Variants in STS observed in about 807,000 individuals in gnomAD.
STS encodes steryl-sulfatase.
A neutral mutation model predicts 26.8 loss-of-function variants in STS; 7 were observed. The ratio of observed to expected loss-of-function variants is 0.26; its 90% CI spans 0.15 to 0.49. STS has a LOEUF of 0.49. Ranked by LOEUF, STS falls within the 20% of genes least tolerant of loss-of-function variation. The pLI is 0.98. For synonymous variants in STS, 199 were observed against 189.4 expected (o/e 1.05, Z -0.42); for missense variants, 434 against 465.6 (o/e 0.93, Z 0.63).
At chrX:7,158,157 C>T (rs1933172567) in intron 1 of STS, among the ~76,000 whole-genome samples, 1 of 111,617 alleles carries the variant, frequency 9.0e-6, no homozygotes, top group African/African-American at 3.3e-5. Flanking sequence ...AGCGACACTC[C>T]TCAGAGAGGT....
chrX:7,323,809 C>T (rs780777150), intron 8 of STS, among the ~76,000 whole-genome samples: 6 of 111,536 alleles, frequency 5.4e-5, no homozygotes, highest in African/African-American at 2.0e-4. Context: ...AATCTTATTC[C>T]TTGCCTTATC....
At chrX:7,349,822 T>G (rs1928707509) in intron 10 of STS, 66 bp from the exon 11 acceptor site, 8 of 1,197,391 alleles carry the variant, frequency 6.7e-6, no homozygotes, top group Non-Finnish European at 9.0e-6. Context: ...CCGCATCACT[T>G]TTTCATTTGT....
chrX:7,211,308 G>T (rs1921021214), intron 2 of STS, among the ~76,000 whole-genome samples: 2 of 111,503 alleles, frequency 1.8e-5, no homozygotes, highest in Non-Finnish European at 3.8e-5. Flanking sequence ...ATGAAATCAG[G>T]GTGCCAGCTA....
chrX:7,236,484 G>A (rs1868261291), intron 2 of STS, among the ~76,000 whole-genome samples: 1 of 112,115 alleles, frequency 8.9e-6, no homozygotes, highest in African/African-American at 3.2e-5. Flanking sequence ...ACAAGCAAAG[G>A]TCGTTCTGTT....
chrX:7,306,882 G>A (rs1337209698), intron 8 of STS, among the ~76,000 whole-genome samples: 1 of 112,043 alleles, frequency 8.9e-6, no homozygotes, highest in Non-Finnish European at 1.9e-5. Flanking sequence ...AGCTCAGTAA[G>A]GCCAGATTAC....
intron 2 of STS, among the ~76,000 whole-genome samples, chrX:7,202,542 C>T (rs1223948119): frequency 1.8e-5 from 2 of 111,638 alleles, no homozygotes; most frequent in Admixed American, 1.9e-4. Flanking sequence ...GGTTACATCA[C>T]GTTAGGTGGA....
At chrX:7,252,418 C>T (rs1419047567) in intron 2 of STS, 12 of 337,871 alleles carry the variant, frequency 3.6e-5, no homozygotes, top group Non-Finnish European at 4.2e-5. Flanking sequence ...CTCTCTCTGG[C>T]TGGGAAACCT....
At chrX:7,274,651 C>G (rs1484139254) in intron 6 of STS, among the ~76,000 whole-genome samples, 1 of 111,915 alleles carries the variant, frequency 8.9e-6, no homozygotes, top group Non-Finnish European at 1.9e-5. Flanking sequence ...GCAAAGGCCA[C>G]GCATTGACAG....
intron 2 of STS, among the ~76,000 whole-genome samples, chrX:7,195,761 G>A (rs7883139): frequency 0.024 from 2,712 of 112,097 alleles, 51 homozygotes; most frequent in African/African-American, 0.053. Context: ...GGTGGGAATT[G>A]TCAGAGATTT....
intron 8 of STS, among the ~76,000 whole-genome samples, chrX:7,312,250 T>G (rs1184203601): frequency 8.9e-6 from 1 of 111,832 alleles, no homozygotes; most frequent in East Asian, 2.8e-4. Context: ...TTCACTCATA[T>G]GTTGCCTTTG....
intron 2 of STS, among the ~76,000 whole-genome samples, chrX:7,192,089 G>A (rs1214042614): frequency 8.9e-6 from 1 of 112,119 alleles, no homozygotes; most frequent in African/African-American, 3.2e-5. Flanking sequence ...CCCCATAGCA[G>A]CTGGCTCAAA....
intron 7 of STS, among the ~76,000 whole-genome samples, chrX:7,301,016 C>T (rs1024144170): frequency 4.5e-5 from 5 of 111,261 alleles, no homozygotes; most frequent in African/African-American, 1.6e-4. Flanking sequence ...CCCTGAAAAA[C>T]TCTGTGACAC....
At chrX:7,327,790 A>C (rs1927551817) in intron 9 of STS, among the ~76,000 whole-genome samples, 1 of 111,879 alleles carries the variant, frequency 8.9e-6, no homozygotes, top group Non-Finnish European at 1.9e-5. Context: ...TTACAGGATC[A>C]ATAGGAGGAT....
At chrX:7,203,789 T>TAGAG (rs1299512114) in intron 2 of STS, among the ~76,000 whole-genome samples, 2 of 109,315 alleles carry the variant, frequency 1.8e-5, no homozygotes, top group East Asian at 2.8e-4. Context: ...TATATATATA[T>TAGAG]ATAGAGAGAG....
At position 7,350,133 on chromosome X, in the gene STS, C is replaced by G; in HGVS notation, c.1609C>G (p.Pro537Ala). 7.4e-6 allele frequency: 9 copies of G among 1,211,916 alleles called. 1 individual carries two copies. The highest frequency in any genetic ancestry group is 1.0e-5 in the Non-Finnish European group (9 of 895,433). ...TGCGGACAGACACACCCAGACCCTG[C>G]CAGAGGTGCCCGATCAGTTTTCATG... ...EAADRHTQTL[P>A]EVPDQFSWNN... The change falls in exon 11 of 11, where the codon CCA (proline) becomes GCA (alanine). Residue 537 changes from proline (P) to alanine (A), a missense_variant. This residue lies in a region of STS where 205 missense variants were observed against 177.3 expected (regional missense o/e 1.16). Transcript: ENST00000674429.
chrX:7,150,346 C>G (rs1932986748), intron 1 of STS, among the ~76,000 whole-genome samples: 1 of 111,430 alleles, frequency 9.0e-6, no homozygotes, highest in Non-Finnish European at 1.9e-5. Flanking sequence ...CTCAGCCTCC[C>G]AAGTAGCTGG....
intron 1 of STS, among the ~76,000 whole-genome samples, chrX:7,157,505 A>G (rs892655531): frequency 8.9e-6 from 1 of 112,035 alleles, no homozygotes. Flanking sequence ...AATTTCATTA[A>G]GCATCTACGT....
chrX:7,192,789 G>C (rs931060925), intron 2 of STS, among the ~76,000 whole-genome samples: 1 of 111,686 alleles, frequency 9.0e-6, no homozygotes, highest in Non-Finnish European at 1.9e-5. Context: ...GCCCTTCAGA[G>C]AGAATTTGGT....
intron 1 of STS, among the ~76,000 whole-genome samples, chrX:7,173,611 T>C (rs1933509802): frequency 8.9e-6 from 1 of 112,261 alleles, no homozygotes; most frequent in Non-Finnish European, 1.9e-5. Flanking sequence ...TGTTGTTTCT[T>C]GACTTTTTAA....
Sources: gnomAD v4.1 joint callset for allele counts (sites outside exome capture counted in the v4.1 genomes callset) on GRCh38, gnomAD v4.1.1 for gene constraint, gnomAD v4.1.1 regional missense constraint, MANE v1.5 for transcripts, NCBI Gene and HGNC (gene_info 2026-07-23, HGNC 2026-07-21) for gene names.